NEGR1: variants seen among roughly 807,000 people sequenced by gnomAD.
The protein encoded by NEGR1 is IgLON family member 4.
Under a neutral mutation model 40.9 loss-of-function variants are expected in NEGR1, and 10 were observed. The observed-to-expected ratio is 0.24, with a 90% CI of 0.15 to 0.42. NEGR1 has a LOEUF of 0.42. NEGR1 is among the 10% of genes least tolerant of loss of function. NEGR1 has a pLI of 1.00. For synonymous variants in NEGR1, 185 were observed against 166.8 expected (o/e 1.11, Z -0.84); for missense variants, 352 against 438.9 (o/e 0.80, Z 1.77).
intron 1 of NEGR1, among the ~76,000 whole-genome samples, chr1:72,142,261 TA>T (rs560488108): frequency 1.8e-3 from 271 of 151,960 alleles, no homozygotes; most frequent in Non-Finnish European, 3.4e-3. Flanking sequence ...TCATTTCTAC[TA>T]AGCAAAACGC....
intron 6 of NEGR1, among the ~76,000 whole-genome samples, chr1:71,431,551 C>CGTTT (rs1458091232): frequency 2.0e-4 from 20 of 98,850 alleles, no homozygotes; most frequent in African/African-American, 4.3e-4. Flanking sequence ...TCCATCCATC[C>CGTTT]ATCCATCTGT....
chr1:71,794,692 T>C lies in NEGR1; in HGVS notation c.410-18395A>G, dbSNP rs142487118. Among the ~76,000 whole-genome samples the C allele has an allele frequency of 5.9e-4, 90 of 151,896 alleles. 4 individuals carry two copies. In the East Asian group the frequency reaches 0.016, roughly 28 times the overall value. The stretch of plus-strand genomic sequence containing the variant: ...TATAGCATTGAAGTTGGAAAAAGAG[T>C]AAGATGTAAAACACAAGCCAGATGA... On this transcript the variant is annotated intron_variant, in intron 2 of 6. Coordinates refer to ENST00000357731, the MANE Select transcript of NEGR1 (RefSeq NM_173808.3).
chr1:71,820,370 G>A (rs935366704), intron 2 of NEGR1, among the ~76,000 whole-genome samples: 9 of 151,948 alleles, frequency 5.9e-5, no homozygotes, highest in African/African-American at 2.2e-4. Context: ...CACTGACTAG[G>A]AGTAAGGACT....
chr1:71,871,882 G>A (rs1018723367), intron 2 of NEGR1, among the ~76,000 whole-genome samples: 14 of 152,026 alleles, frequency 9.2e-5, no homozygotes, highest in African/African-American at 3.1e-4. Flanking sequence ...ATTTCTATTT[G>A]AGATTAACTG....
chr1:71,832,136 A>G (rs1400270931), intron 2 of NEGR1, among the ~76,000 whole-genome samples: 3 of 151,966 alleles, frequency 2.0e-5, no homozygotes, highest in Non-Finnish European at 4.4e-5. Context: ...AGAGAAGGGC[A>G]GAAGCTGAAA....
At chr1:71,621,128 G>C (rs967690186) in intron 4 of NEGR1, among the ~76,000 whole-genome samples, 1 of 151,820 alleles carries the variant, frequency 6.6e-6, no homozygotes, top group Non-Finnish European at 1.5e-5. Context: ...AAAGAAAAAT[G>C]AATTTTTAAA....
At chr1:71,727,618 T>C (rs934621687) in intron 3 of NEGR1, among the ~76,000 whole-genome samples, 4 of 152,144 alleles carry the variant, frequency 2.6e-5, no homozygotes, top group African/African-American at 9.6e-5. Flanking sequence ...TTCTGTGCTG[T>C]GGTGCAAGCA....
chr1:71,530,363 T>C (rs945054255), intron 6 of NEGR1, among the ~76,000 whole-genome samples: 8 of 151,358 alleles, frequency 5.3e-5, no homozygotes, highest in Admixed American at 1.3e-4. Flanking sequence ...TGCTTAGTTA[T>C]ATATTGCCAA....
At chr1:72,088,128 A>G (rs968139259) in intron 1 of NEGR1, among the ~76,000 whole-genome samples, 5 of 152,132 alleles carry the variant, frequency 3.3e-5, no homozygotes, top group African/African-American at 1.2e-4. Flanking sequence ...TCTTTCTTTG[A>G]TGGCTAATTA....
At chr1:71,450,073 C>T (rs1646614901) in intron 6 of NEGR1, among the ~76,000 whole-genome samples, 1 of 151,660 alleles carries the variant, frequency 6.6e-6, no homozygotes, top group Non-Finnish European at 1.5e-5. Context: ...TCACTGCAAC[C>T]TCCACCTCCT....
chr1:71,455,920 A>G (rs1426203656), intron 6 of NEGR1, among the ~76,000 whole-genome samples: 1 of 152,222 alleles, frequency 6.6e-6, no homozygotes, highest in East Asian at 1.9e-4. Context: ...TTTCACTGCA[A>G]TATCATGTGT....
At chr1:72,097,856 G>C (rs556560745) in intron 1 of NEGR1, among the ~76,000 whole-genome samples, 1 of 152,030 alleles carries the variant, frequency 6.6e-6, no homozygotes, top group Non-Finnish European at 1.5e-5. Context: ...GAGATCTCTG[G>C]GATCATTAAA....
chr1:71,490,285 T>A (rs538687263), intron 6 of NEGR1, among the ~76,000 whole-genome samples: 1 of 152,026 alleles, frequency 6.6e-6, no homozygotes, highest in Non-Finnish European at 1.5e-5. Flanking sequence ...AGAACTAATA[T>A]GCATTTGGTA....
At chr1:71,798,953 C>A (rs1017312007) in intron 2 of NEGR1, among the ~76,000 whole-genome samples, 1 of 151,918 alleles carries the variant, frequency 6.6e-6, no homozygotes, top group Non-Finnish European at 1.5e-5. Context: ...TATCACTCTG[C>A]ATTATTAAAA....
At chr1:71,646,959 T>C (rs1276881757) in intron 4 of NEGR1, among the ~76,000 whole-genome samples, 28 of 151,984 alleles carry the variant, frequency 1.8e-4, no homozygotes, top group Admixed American at 1.8e-3. Context: ...ACTAAGACAA[T>C]AGTGAACTAT....
intron 1 of NEGR1, chr1:72,274,864 G>T: frequency 1.3e-6 from 2 of 1,592,948 alleles, no homozygotes; most frequent in Non-Finnish European, 1.7e-6. Flanking sequence ...GAACACCAAT[G>T]ATGCCAACTC....
intron 2 of NEGR1, among the ~76,000 whole-genome samples, chr1:71,866,641 T>C (rs2101828633): frequency 6.6e-6 from 1 of 152,314 alleles, no homozygotes; most frequent in African/African-American, 2.4e-5. Context: ...TGTGTAGTAA[T>C]TCCATCAACA....
At chr1:72,265,695 G>C (rs868700544) in intron 1 of NEGR1, among the ~76,000 whole-genome samples, 1 of 150,720 alleles carries the variant, frequency 6.6e-6, no homozygotes. Context: ...TACCTGCTAA[G>C]AACTTAAAAG....
intron 1 of NEGR1, among the ~76,000 whole-genome samples, chr1:72,105,900 C>T (rs1419980536): frequency 6.6e-5 from 10 of 151,956 alleles, no homozygotes; most frequent in Non-Finnish European, 1.3e-4. Flanking sequence ...TTACTGAGAG[C>T]AGAAGATTTT....
Sources: allele counts gnomAD v4.1 joint callset (sites outside exome capture counted in the v4.1 genomes callset), GRCh38; gene constraint gnomAD v4.1.1; transcripts MANE v1.5; gene names NCBI Gene and HGNC (gene_info 2026-07-23, HGNC 2026-07-21).